The following GUCY2C variants were observed in gnomAD, a reference collection of about 807,000 sequenced individuals.
GUCY2C encodes guanylyl cyclase C.
In GUCY2C, 118 loss-of-function variants were observed where a neutral mutation model predicts 131.1. The ratio of observed to expected loss-of-function variants is 0.90; its 90% CI spans 0.78 to 1.05. The LOEUF (loss-of-function observed/expected upper bound fraction) is 1.05. Among genes scored for constraint, GUCY2C ranks in the 50% least tolerant of loss-of-function variants. GUCY2C has a pLI of 0.00. For missense variants in GUCY2C, 1,161 were observed against 1,304.4 expected (o/e 0.89, Z 1.69); for synonymous variants, 452 against 457.8 (o/e 0.99, Z 0.16).
At chr12:14,667,260 T>C (rs1948000623) in intron 10 of GUCY2C, among the ~76,000 whole-genome samples, 1 of 152,086 alleles carries the variant, frequency 6.6e-6, no homozygotes, top group African/African-American at 2.4e-5. Flanking sequence ...CAAAAGAAGT[T>C]GAGAGTTGCA....
Position 14,639,877 on chromosome 12 carries a change from C to T in GUCY2C, c.2142G>A (p.Glu714=), listed in dbSNP as rs780982467. Residue 714 remains glutamate (E), a synonymous_variant, in exon 19 of 27, where the codon GAG becomes GAA. Transcript: ENST00000261170. The stretch of plus-strand genomic sequence containing the variant: ...ATATACTCACTTCTAGCTCTTTTTC[C>T]TCTGCTGTTTCCAAGAATAAATCTG... ...FRPDLFLETA[E]EKELEVYLLV... 6.3e-7 allele frequency: 1 copy of T among 1,599,916 alleles called. No individual in the cohort carries two copies. Among genetic ancestry groups the T allele is most frequent in the Non-Finnish European group, 8.6e-7 (1 of 1,167,142 alleles).
intron 15 of GUCY2C, among the ~76,000 whole-genome samples, chr12:14,645,825 T>C (rs1482535976): frequency 6.6e-6 from 1 of 151,074 alleles, no homozygotes; most frequent in Non-Finnish European, 1.5e-5. Flanking sequence ...TGGAATTTTC[T>C]TTGTTTTTTT....
chr12:14,688,399 C>T (rs1318379213), intron 1 of GUCY2C, among the ~76,000 whole-genome samples: 1 of 152,136 alleles, frequency 6.6e-6, no homozygotes, highest in Non-Finnish European at 1.5e-5. Flanking sequence ...AGTTTTAGAA[C>T]ATTTTCATTG....
intron 10 of GUCY2C, among the ~76,000 whole-genome samples, chr12:14,668,157 C>G (rs1358897649): frequency 6.6e-6 from 1 of 150,722 alleles, no homozygotes; most frequent in East Asian, 1.9e-4. Context: ...GTATGCACCT[C>G]TATGTCCACT....
In GUCY2C at chr12:14,645,214, G is replaced by A. The variant is rs2137027403; in HGVS notation, c.1797+15C>T. On this transcript the variant is annotated intron_variant, in intron 16 of 26. Coordinates refer to ENST00000261170, the MANE Select transcript of GUCY2C (RefSeq NM_004963.4). ...TATTTAATTTTCATATTTTCTGTGT[G>A]TGTGTTTCTCTTACCTTAGCAATGT... 7.7e-7 allele frequency: 1 copy of A among 1,307,052 alleles called. No homozygotes were observed. 81.0% of individuals were successfully genotyped at this position (1,307,052 alleles called of 1,614,324 possible). A position where few individuals can be genotyped will look rare whatever the true frequency, so the allele number is the denominator to read the frequency against.
In GUCY2C at chr12:14,683,210, C is replaced by A; in HGVS notation, c.443G>T (p.Gly148Val). Residue 148 changes from glycine to valine, a missense_variant, in exon 4 of 27, where the codon GGA (glycine) becomes GTA (valine). Physicochemically the swap from Gly to Val is moderately radical, Grantham distance 109. Transcript: ENST00000261170. ...SYPMISAGSF[G>V]LSCDYKETLT... ...GGTTTCTTTATAGTCACATGACAAT[C>A]CAAAACTTCCAGCTGAGATCATGGG... 3.1e-6 allele frequency: 5 copies of A among 1,613,664 alleles called. No homozygotes were observed. Among genetic ancestry groups the A allele is most frequent in the Non-Finnish European group, 4.2e-6 (5 of 1,179,672 alleles).
At chr12:14,632,707 A>G (rs1439655223) in intron 19 of GUCY2C, among the ~76,000 whole-genome samples, 1 of 152,202 alleles carries the variant, frequency 6.6e-6, no homozygotes, top group Non-Finnish European at 1.5e-5. Flanking sequence ...CAGTGCCTGT[A>G]CACACCACAG....
Position 14,625,927 on chromosome 12 carries a change from A to G in GUCY2C, c.2250-12T>C, listed in dbSNP as rs2136990491. On this transcript the variant is annotated splice_polypyrimidine_tract_variant and intron_variant, in intron 20 of 26. Coordinates refer to ENST00000261170, the MANE Select transcript of GUCY2C (RefSeq NM_004963.4). ...GGTCATGAAAAAGTCTGTAGGTAGTAATAGATAAAGAGCTCTTATATATTA... is the reference window on the plus strand; with the variant it reads ...GGTCATGAAAAAGTCTGTAGGTAGTGATAGATAAAGAGCTCTTATATATTA... The G allele has an allele frequency of 1.3e-6, 2 of 1,554,696 alleles. No individual in the cohort carries two copies. Among genetic ancestry groups the G allele is most frequent in the African/African-American group, 1.4e-5 (1 of 73,710 alleles).
At chr12:14,681,207 C>A in intron 5 of GUCY2C, 149 bp downstream of exon 5, 1 of 629,260 alleles carries the variant, frequency 1.6e-6, no homozygotes, top group Non-Finnish European at 2.7e-6. Flanking sequence ...AATGAAGTTG[C>A]ATGCAATTAT....
In GUCY2C at chr12:14,619,222, G is replaced by A. The variant is rs1271096673; in HGVS notation, c.2864C>T (p.Ser955Phe). Residue 955 changes from serine to phenylalanine, a missense_variant, in exon 24 of 27, where the codon TCC becomes TTC. Coordinates refer to ENST00000261170, the MANE Select transcript of GUCY2C (RefSeq NM_004963.4). ...GTCTCCCTTCTTACGGAGGCCAGTG[G>A]ATTCCATCCTAGAGGCTGTGTTGAC... ...DTVNTASRME[S>F]TGLPLRIHVS... The A allele has an allele frequency of 1.9e-6, 3 of 1,599,580 alleles. No individual in the cohort carries two copies. Among genetic ancestry groups the A allele is most frequent in the Non-Finnish European group, 2.6e-6 (3 of 1,167,004 alleles).
At chr12:14,672,616 C>T (rs368542190) in intron 9 of GUCY2C, among the ~76,000 whole-genome samples, 3 of 151,838 alleles carry the variant, frequency 2.0e-5, no homozygotes, top group African/African-American at 4.8e-5. Context: ...AATATCTATA[C>T]CTATCTATAT....
chr12:14,645,888 T>C lies in GUCY2C; in HGVS notation c.1711-573A>G, dbSNP rs553223935. Among the ~76,000 whole-genome samples the C allele has an allele frequency of 3.3e-5, 5 of 152,070 alleles. No individual in the cohort carries two copies. In the South Asian group the frequency reaches 1.0e-3, roughly 32 times the overall value. On this transcript the variant is annotated intron_variant, in intron 15 of 26. Transcript: ENST00000261170. ...TCTTGCTCTGTTGCCCAGGCTGGCATGCAGTGGCACAATCTCAGCTCATTG... is the reference window on the plus strand; with the variant it reads ...TCTTGCTCTGTTGCCCAGGCTGGCACGCAGTGGCACAATCTCAGCTCATTG...
intron 9 of GUCY2C, among the ~76,000 whole-genome samples, chr12:14,672,660 G>C (rs1948139361): frequency 1.3e-5 from 2 of 152,146 alleles, no homozygotes. Flanking sequence ...TATATTAATA[G>C]TAAATACAGT....
chr12:14,619,615 A>G (rs1488350530), intron 23 of GUCY2C: 1 of 297,678 alleles, frequency 3.4e-6, no homozygotes, highest in Non-Finnish European at 6.3e-6. Context: ...CTCAGGAAGG[A>G]TGAAGATGAG....
chr12:14,670,742 G>A (rs964188331), intron 9 of GUCY2C, among the ~76,000 whole-genome samples: 1 of 151,736 alleles, frequency 6.6e-6, no homozygotes, highest in Non-Finnish European at 1.5e-5. Context: ...CATGTAAGAT[G>A]TGCCTTTCAC....
At chr12:14,659,660 G>C (rs1341356591) in intron 11 of GUCY2C, among the ~76,000 whole-genome samples, 2 of 152,156 alleles carry the variant, frequency 1.3e-5, no homozygotes, top group Non-Finnish European at 2.9e-5. Flanking sequence ...GACCTTAAAG[G>C]CTCTTGGGTT....
chr12:14,614,799 A>G, intron 26 of GUCY2C, 68 bp downstream of exon 26: 3 of 906,258 alleles, frequency 3.3e-6, no homozygotes, highest in South Asian at 1.5e-5. Flanking sequence ...GCCAATTTAA[A>G]TTGGCTGTAA....
chr12:14,634,644 T>A (rs1947222240), intron 19 of GUCY2C, among the ~76,000 whole-genome samples: 1 of 152,182 alleles, frequency 6.6e-6, no homozygotes, highest in Admixed American at 6.5e-5. Context: ...TGGATCAAAA[T>A]TTTTCACTTA....
At chr12:14,665,606 G>A (rs1486091202) in intron 10 of GUCY2C, 1 of 152,280 alleles carries the variant, frequency 6.6e-6, no homozygotes, top group East Asian at 1.9e-4. Flanking sequence ...CAGGAAGTCA[G>A]TTTGACGTCA....
Sources: allele counts gnomAD v4.1 joint callset (sites outside exome capture counted in the v4.1 genomes callset), GRCh38; gene constraint gnomAD v4.1.1; transcripts MANE v1.5; gene names NCBI Gene and HGNC (gene_info 2026-07-23, HGNC 2026-07-21).